Variants in ZDHHC14 observed in about 807,000 individuals in gnomAD.
ZDHHC14 encodes the protein palmitoyltransferase ZDHHC14.
In ZDHHC14, 16 loss-of-function variants were observed where a neutral mutation model predicts 47.7. The ratio of observed to expected loss-of-function variants is 0.34; its 90% CI spans 0.23 to 0.51. ZDHHC14 has a LOEUF of 0.51. Ranked by LOEUF, ZDHHC14 falls within the 20% of genes least tolerant of loss-of-function variation. The pLI is 0.97. For missense variants in ZDHHC14, 515 were observed against 662.5 expected, an observed-to-expected ratio of 0.78 and a Z score of 2.44; for synonymous variants, 293 against 278.9, an observed-to-expected ratio of 1.05 and a Z score of -0.50.
chr6:157,433,561 G>A (rs182340082), intron 1 of ZDHHC14, among the ~76,000 whole-genome samples: 258 of 152,290 alleles, frequency 1.7e-3, no homozygotes, highest in Non-Finnish European at 2.4e-3. Context: ...TACCCTCCAC[G>A]GGACTGTTTT....
At chr6:157,422,860 C>T (rs555323882) in intron 1 of ZDHHC14, among the ~76,000 whole-genome samples, 6 of 152,150 alleles carry the variant, frequency 3.9e-5, no homozygotes, top group African/African-American at 1.4e-4. Flanking sequence ...TGGCTCTTCC[C>T]ACAATCTGTC....
intron 1 of ZDHHC14, among the ~76,000 whole-genome samples, chr6:157,457,841 TC>T (rs1221901535): frequency 7.2e-5 from 11 of 152,152 alleles, no homozygotes; most frequent in Non-Finnish European, 1.3e-4. Flanking sequence ...TGAGAGACGG[TC>T]CCCTGACCAC....
At chr6:157,648,452 C>G (rs985822459) in intron 7 of ZDHHC14, among the ~76,000 whole-genome samples, 2 of 151,846 alleles carry the variant, frequency 1.3e-5, no homozygotes, top group Non-Finnish European at 2.9e-5. Context: ...AAAAAAAAAT[C>G]CAAGCATATA....
chr6:157,465,195 AACAC>A (rs1779184139), intron 1 of ZDHHC14, among the ~76,000 whole-genome samples: 2 of 151,668 alleles, frequency 1.3e-5, no homozygotes, highest in African/African-American at 4.8e-5. Flanking sequence ...TTTTTAGAAA[AACAC>A]AAACATGTTC....
At chr6:157,636,879 T>A (rs769167165) in intron 5 of ZDHHC14, among the ~76,000 whole-genome samples, 1 of 152,192 alleles carries the variant, frequency 6.6e-6, no homozygotes, top group Admixed American at 6.5e-5. Flanking sequence ...ATTTCTTCGG[T>A]GTGCCACTGA....
chr6:157,610,817 C>T (rs188869468), intron 3 of ZDHHC14, among the ~76,000 whole-genome samples: 3 of 152,302 alleles, frequency 2.0e-5, no homozygotes, highest in South Asian at 4.1e-4. Flanking sequence ...CAAAGCCAGC[C>T]GCTTCTCTGC....
intron 1 of ZDHHC14, among the ~76,000 whole-genome samples, chr6:157,481,331 T>G (rs1779624630): frequency 6.6e-6 from 1 of 152,176 alleles, no homozygotes; most frequent in African/African-American, 2.4e-5. Flanking sequence ...ACACAGAAAA[T>G]GGACAGTTAA....
intron 5 of ZDHHC14, among the ~76,000 whole-genome samples, chr6:157,638,788 A>G (rs966617014): frequency 6.6e-6 from 1 of 152,212 alleles, no homozygotes; most frequent in Non-Finnish European, 1.5e-5. Flanking sequence ...TGAAAAAGAC[A>G]CAGCCTGTGC....
intron 4 of ZDHHC14, chr6:157,629,395 T>C (rs1254384829): frequency 6.6e-6 from 1 of 152,210 alleles, no homozygotes; most frequent in Non-Finnish European, 1.5e-5. Flanking sequence ...CTGGAATGTT[T>C]CCGTAAGTAT....
chr6:157,608,702 C>T (rs938217385), intron 3 of ZDHHC14, among the ~76,000 whole-genome samples: 19 of 152,102 alleles, frequency 1.2e-4, no homozygotes, highest in African/African-American at 4.6e-4. Flanking sequence ...ATAAGCCACG[C>T]AAAAGAGTTT....
At chr6:157,631,041 C>T (rs1343802900) in intron 4 of ZDHHC14, 1 of 120,656 alleles carries the variant, frequency 8.3e-6, no homozygotes, top group African/African-American at 3.2e-5. Context: ...CACACATACC[C>T]TTACCCCCAC....
At chr6:157,666,487 C>G (rs1778561153) in intron 8 of ZDHHC14, among the ~76,000 whole-genome samples, 1 of 152,204 alleles carries the variant, frequency 6.6e-6, no homozygotes, top group Non-Finnish European at 1.5e-5. Context: ...TCCTTCCAAC[C>G]TGCACCTGCA....
In ZDHHC14 at chr6:157,653,559, A is replaced by G; in HGVS notation, c.1000A>G (p.Thr334Ala). 6.2e-7 allele frequency: 1 copy of G among 1,613,936 alleles called. No homozygotes were observed. The highest frequency in any genetic ancestry group is 8.5e-7 in the Non-Finnish European group (1 of 1,179,976). The change falls in exon 8 of 9, where the codon ACG becomes GCG. Residue 334 changes from threonine to alanine, a missense_variant. Around this residue, in one of 4 missense-constraint regions of ZDHHC14, gnomAD observed 221 missense variants for 233.6 expected, o/e 0.95. Transcript: ENST00000359775. ...CAGAAGAGGGTACATCCAGCCCGAC[A>G]CGCCGCAGCCAGCAGCACCCTCCAA... Reference protein sequence around the residue: ...IDRRGYIQPDTPQPAAPSNGI... With the variant: ...IDRRGYIQPDAPQPAAPSNGI...
At position 157,445,105 on chromosome 6, in the gene ZDHHC14, T is replaced by TACACACACACAC. The variant is rs533031947; in HGVS notation, c.245+62868_245+62879dup. On this transcript the variant is annotated intron_variant, in intron 1 of 8. Transcript: ENST00000359775. Reference sequence around the variant, plus strand: ...CATGGGTCTTAGCACTGCCAGATATTACACACACACACACACACACACACA... The same window carrying TACACACACACAC: ...CATGGGTCTTAGCACTGCCAGATATTACACACACACACACACACACACACACACACACACACA... Among the ~76,000 whole-genome samples the TACACACACACAC allele has an allele frequency of 1.3e-3, 171 of 131,760 alleles. 2 individuals are homozygous for TACACACACACAC. Among genetic ancestry groups the TACACACACACAC allele is most frequent in the Middle Eastern group, 7.8e-3 (2 of 258 alleles). 86.4% of individuals were successfully genotyped at this position (131,760 alleles called of 152,430 possible). A position where few individuals can be genotyped will look rare whatever the true frequency, so the allele number is the denominator to read the frequency against.
chr6:157,394,770 A>G (rs1403688513), intron 1 of ZDHHC14, among the ~76,000 whole-genome samples: 1 of 152,226 alleles, frequency 6.6e-6, no homozygotes, highest in Non-Finnish European at 1.5e-5. Context: ...GCACTTTATT[A>G]TACAGCCACA....
At chr6:157,498,313 C>T (rs1780113779) in intron 1 of ZDHHC14, among the ~76,000 whole-genome samples, 1 of 151,252 alleles carries the variant, frequency 6.6e-6, no homozygotes, top group Non-Finnish European at 1.5e-5. Context: ...CAGATGTAGA[C>T]TTGGAGAGTG....
At chr6:157,509,696 A>C (rs936362475) in intron 1 of ZDHHC14, among the ~76,000 whole-genome samples, 1 of 152,198 alleles carries the variant, frequency 6.6e-6, no homozygotes, top group African/African-American at 2.4e-5. Flanking sequence ...AAAGGTGCAA[A>C]ACTGCCCATT....
chr6:157,610,598 G>A (rs550924701), intron 3 of ZDHHC14, among the ~76,000 whole-genome samples: 1 of 152,128 alleles, frequency 6.6e-6, no homozygotes, highest in East Asian at 1.9e-4. Context: ...ATGGAGGGAG[G>A]GGCTACACAT....
intron 1 of ZDHHC14, among the ~76,000 whole-genome samples, chr6:157,534,861 G>A (rs919920576): frequency 9.2e-5 from 14 of 152,114 alleles, no homozygotes; most frequent in African/African-American, 3.4e-4. Flanking sequence ...AAAGTGTTGG[G>A]ATTATAGGCA....
Sources: allele counts gnomAD v4.1 joint callset (sites outside exome capture counted in the v4.1 genomes callset), GRCh38; gene constraint gnomAD v4.1.1; regional missense constraint gnomAD v4.1.1; transcripts MANE v1.5; gene names NCBI Gene and HGNC (gene_info 2026-07-23, HGNC 2026-07-21).